Variants in GOLIM4 observed in about 807,000 individuals in gnomAD.
The protein encoded by GOLIM4 is golgi integral membrane protein 4.
Under a neutral mutation model 107.4 loss-of-function variants are expected in GOLIM4, and 71 were observed. That is an observed-to-expected ratio of 0.66 (90% CI 0.55 to 0.81). The LOEUF is 0.81. GOLIM4 is among the 30% of genes least tolerant of loss of function. GOLIM4 has a pLI of 0.00. For synonymous variants in GOLIM4, 327 were observed against 294.8 expected (o/e 1.11, Z -1.12); for missense variants, 830 against 826.1 (o/e 1.00, Z -0.06).
rs1283430476 is a variant in GOLIM4, at chr3:168,095,235, C to T, written c.51G>A (p.Leu17=). 1.9e-6 allele frequency: 3 copies of T among 1,613,604 alleles called. No individual in the cohort carries two copies. Among genetic ancestry groups the T allele is most frequent in the Non-Finnish European group, 1.7e-6 (2 of 1,180,000 alleles). Residue 17 remains leucine, a synonymous_variant, in exon 1 of 16, where the codon CTG becomes CTA. Transcript: ENST00000470487. ...AGCCGAACACGACGGTCAGCAGCAG[C>T]AGCGTCTGGAAAATCCGCTTCTGCT... ...SRKQKRIFQT[L]LLLTVVFGFL...
At position 168,009,974 on chromosome 3, in the gene GOLIM4, T is replaced by C; in HGVS notation, c.*295A>G. ...GTAACACGCTGAAACATATACAAAA[T>C]CAATGAGCTTTCCAACATCACATAA... On this transcript the variant is annotated 3_prime_UTR_variant, in exon 16 of 16. Transcript: ENST00000470487. The C allele has an allele frequency of 4.3e-6, 1 of 234,140 alleles. No homozygotes were observed. The highest frequency in any genetic ancestry group is 9.0e-5 in the East Asian group (1 of 11,072). 14.5% of individuals were successfully genotyped at this position (234,140 alleles called of 1,614,324 possible). A position where few individuals can be genotyped will look rare whatever the true frequency, so the allele number is the denominator to read the frequency against.
intron 1 of GOLIM4, among the ~76,000 whole-genome samples, chr3:168,073,615 G>T (rs1353175581): frequency 6.6e-6 from 1 of 151,984 alleles, no homozygotes; most frequent in Non-Finnish European, 1.5e-5. Context: ...TAATAAACAA[G>T]GAAATACAAA....
chr3:168,034,609 C>A (rs1718532113), intron 8 of GOLIM4, among the ~76,000 whole-genome samples: 1 of 152,070 alleles, frequency 6.6e-6, no homozygotes, highest in Non-Finnish European at 1.5e-5. Context: ...TGTTAAAAAC[C>A]ACTTTGTGAG....
intron 1 of GOLIM4, among the ~76,000 whole-genome samples, chr3:168,091,723 C>T (rs1009050479): frequency 6.6e-6 from 1 of 152,206 alleles, no homozygotes; most frequent in Non-Finnish European, 1.5e-5. Context: ...GTGCTAAGAG[C>T]TCTACAGTCT....
chr3:168,051,792 CGAG>C (rs1553800361), intron 1 of GOLIM4, among the ~76,000 whole-genome samples: 1 of 151,972 alleles, frequency 6.6e-6, no homozygotes, highest in South Asian at 2.1e-4. Flanking sequence ...AGAATATCAC[CGAG>C]GAGGAGGAGG....
At chr3:168,013,256 C>G (rs1717163092) in intron 14 of GOLIM4, among the ~76,000 whole-genome samples, 1 of 151,536 alleles carries the variant, frequency 6.6e-6, no homozygotes, top group Non-Finnish European at 1.5e-5. Context: ...TCTGATAAAA[C>G]AGACTTTAAA....
rs1309207149 is a variant in GOLIM4 at position 168,043,546 on chromosome 3, T to C, written c.367-17A>G. The C allele has an allele frequency of 4.4e-6, 7 of 1,588,188 alleles. No homozygotes were observed. The highest frequency in any genetic ancestry group is 5.1e-6 in the Non-Finnish European group (6 of 1,171,330). On this transcript the variant is annotated splice_polypyrimidine_tract_variant and intron_variant, in intron 4 of 15. Coordinates refer to ENST00000470487, the MANE Select transcript of GOLIM4 (RefSeq NM_014498.5). ...GTGTTGGCTCTGCAAAGATGAAAAC[T>C]TGAGTAGAAATATACATTCTCTGAA... is the stretch of plus-strand genomic sequence containing the variant.
At chr3:168,026,646 C>G (rs1718009881) in intron 12 of GOLIM4, among the ~76,000 whole-genome samples, 1 of 152,206 alleles carries the variant, frequency 6.6e-6, no homozygotes, top group Admixed American at 6.5e-5. Context: ...ATTTGCAGGC[C>G]TTTGTACACT....
chr3:168,075,091 G>T (rs1047737318), intron 1 of GOLIM4, among the ~76,000 whole-genome samples: 5 of 151,780 alleles, frequency 3.3e-5, no homozygotes, highest in African/African-American at 1.2e-4. Context: ...ATGCCAACCA[G>T]ACTGTTAAAG....
Position 168,095,572 on chromosome 3 carries a change from G to C in GOLIM4, c.-287C>G. Reference sequence around the variant, plus strand: ...AGGCCCTCCGCATACTTCAGAGCCGGCTGCCCTCGCGCCTGTCCCCAGATG... The same window carrying C: ...AGGCCCTCCGCATACTTCAGAGCCGCCTGCCCTCGCGCCTGTCCCCAGATG... On this transcript the variant is annotated 5_prime_UTR_variant, in exon 1 of 16. Transcript: ENST00000470487. 2.5e-6 allele frequency: 1 copy of C among 393,382 alleles called. No homozygotes were observed. The allele number at this position is 393,382 out of a possible 1,614,324, so 24.4% of individuals were successfully genotyped here. A position where few individuals can be genotyped will look rare whatever the true frequency, so the allele number is the denominator to read the frequency against.
intron 12 of GOLIM4, among the ~76,000 whole-genome samples, chr3:168,027,412 T>C (rs1718051771): frequency 6.6e-6 from 1 of 152,018 alleles, no homozygotes; most frequent in Non-Finnish European, 1.5e-5. Flanking sequence ...TCAGAGTTAC[T>C]ACATATTTCA....
At chr3:168,058,453 T>G (rs1331328629) in intron 1 of GOLIM4, among the ~76,000 whole-genome samples, 1 of 152,248 alleles carries the variant, frequency 6.6e-6, no homozygotes, top group African/African-American at 2.4e-5. Flanking sequence ...TCAGATGAAG[T>G]CTATTCACTT....
At chr3:168,038,160 G>A (rs1450434168) in intron 7 of GOLIM4, among the ~76,000 whole-genome samples, 1 of 152,164 alleles carries the variant, frequency 6.6e-6, no homozygotes, top group Non-Finnish European at 1.5e-5. Flanking sequence ...TTGTACAAAG[G>A]TGCACCATAT....
At chr3:168,032,445 T>A in intron 9 of GOLIM4, 75 bp downstream of exon 9, 1 of 987,658 alleles carries the variant, frequency 1.0e-6, no homozygotes, top group Non-Finnish European at 1.6e-6. Flanking sequence ...GATTGTGATA[T>A]ATTACCTTAA....
At chr3:168,024,395 T>C in intron 14 of GOLIM4, 131 bp downstream of exon 14, 1 of 751,204 alleles carries the variant, frequency 1.3e-6, no homozygotes, top group Non-Finnish European at 2.4e-6. Context: ...AACCACCCTT[T>C]CTTATCCTGC....
intron 1 of GOLIM4, among the ~76,000 whole-genome samples, chr3:168,055,520 C>T (rs577631462): frequency 1.4e-4 from 22 of 152,180 alleles, no homozygotes; most frequent in Middle Eastern, 6.8e-3. Flanking sequence ...GACTCAGGGC[C>T]GGGCGCGGTG....
intron 9 of GOLIM4, among the ~76,000 whole-genome samples, chr3:168,031,020 A>G (rs937067536): frequency 1.4e-4 from 22 of 152,242 alleles, no homozygotes; most frequent in African/African-American, 5.3e-4. Flanking sequence ...CAGTCATAAA[A>G]AAGAATGAAA....
Position 168,022,240 on chromosome 3 carries a change from G to A in GOLIM4, c.1860+2286C>T, listed in dbSNP as rs549572176. Among the ~76,000 whole-genome samples, 4 of 152,142 alleles carry A rather than the reference G, an allele frequency of 2.6e-5. No homozygotes were observed. The East Asian group carries it at 7.7e-4, about 29-fold the overall frequency. Reference sequence around the variant, plus strand: ...GAAATGCTGACAGAAATAAGTTTGTGCGCTGGAGAGGAAGGGAAGCGATGG... The same window carrying A: ...GAAATGCTGACAGAAATAAGTTTGTACGCTGGAGAGGAAGGGAAGCGATGG... On this transcript the variant is annotated intron_variant, in intron 14 of 15. Coordinates refer to ENST00000470487, the MANE Select transcript of GOLIM4 (RefSeq NM_014498.5).
At chr3:168,020,842 A>C (rs938783138) in intron 14 of GOLIM4, among the ~76,000 whole-genome samples, 9 of 152,256 alleles carry the variant, frequency 5.9e-5, no homozygotes, top group Non-Finnish European at 1.2e-4. Flanking sequence ...AATGCTTCTC[A>C]GTAATGTAAA....
Sources: allele counts gnomAD v4.1 joint callset (sites outside exome capture counted in the v4.1 genomes callset), GRCh38; gene constraint gnomAD v4.1.1; transcripts MANE v1.5; gene names NCBI Gene and HGNC (gene_info 2026-07-23, HGNC 2026-07-21).